The following IFI27L1 variants were observed in gnomAD, a reference collection of about 807,000 sequenced individuals.
The protein encoded by IFI27L1 is interferon alpha inducible protein 27 like 1.
Under a neutral mutation model 9.2 loss-of-function variants are expected in IFI27L1, and 3 were observed. The ratio of observed to expected loss-of-function variants is 0.32; its 90% CI spans 0.15 to 0.84. The LOEUF (loss-of-function observed/expected upper bound fraction) is 0.84, where lower values mean the gene tolerates loss of function less well. IFI27L1 is among the 40% of genes least tolerant of loss of function. The probability of loss-of-function intolerance (pLI) is 0.56; values close to 1 mark genes in which losing one functional copy is unlikely to be tolerated. For missense variants in IFI27L1, 133 were observed against 134.2 expected, an observed-to-expected ratio of 0.99 and a Z score of 0.05; for synonymous variants, 53 against 50.0, an observed-to-expected ratio of 1.06 and a Z score of -0.26.
At chr14:94,085,416 G>C (rs1886249695) in intron 1 of IFI27L1, among the ~76,000 whole-genome samples, 2 of 152,324 alleles carry the variant, frequency 1.3e-5, no homozygotes, top group Non-Finnish European at 2.9e-5. Flanking sequence ...TCTTGCTGCA[G>C]TGCCTGGCAC....
chr14:94,085,218 G>C (rs1156950803), intron 1 of IFI27L1, among the ~76,000 whole-genome samples: 1 of 152,192 alleles, frequency 6.6e-6, no homozygotes, highest in African/African-American at 2.4e-5. Flanking sequence ...TTCCCAGCAA[G>C]AAAATGGCTC....
intron 1 of IFI27L1, among the ~76,000 whole-genome samples, chr14:94,086,910 T>G (rs1395483861): frequency 1.3e-5 from 2 of 152,178 alleles, no homozygotes; most frequent in African/African-American, 4.8e-5. Flanking sequence ...TTTTGTTACT[T>G]CCCACTTTTG....
At position 94,097,591 on chromosome 14, in the gene IFI27L1, C is replaced by CA. The variant is rs1466344329; in HGVS notation, c.28+627dup. On this transcript the variant is annotated intron_variant, in intron 2 of 4. Transcript: ENST00000555523. Reference sequence around the variant, plus strand: ...AGAGAGACAAGTTAGGAAGCTCCTCCAGTCATCCCACTGAGAGACGCGGGT... The same window carrying CA: ...AGAGAGACAAGTTAGGAAGCTCCTCCAAGTCATCCCACTGAGAGACGCGGGT... 18 of 701,480 alleles carry CA rather than the reference C, an allele frequency of 2.6e-5. No homozygotes were observed. The East Asian group carries it at 4.8e-4, about 19-fold the overall frequency. 43.5% of individuals were successfully genotyped at this position (701,480 alleles called of 1,614,324 possible). A position where few individuals can be genotyped will look rare whatever the true frequency, so the allele number is the denominator to read the frequency against.
chr14:94,082,408 G>A (rs1886138717), intron 1 of IFI27L1, among the ~76,000 whole-genome samples: 1 of 151,712 alleles, frequency 6.6e-6, no homozygotes. Flanking sequence ...TTATCCCCAA[G>A]ATCTAGGTAA....
chr14:94,088,354 A>G (rs1190872952), intron 1 of IFI27L1: 2 of 702,122 alleles, frequency 2.8e-6, no homozygotes, highest in Admixed American at 4.0e-5. Context: ...CAGGTGTGGC[A>G]GTGGCTTCCC....
At chr14:94,093,169 T>TC (rs1201080000) in intron 1 of IFI27L1, among the ~76,000 whole-genome samples, 1 of 144,668 alleles carries the variant, frequency 6.9e-6, no homozygotes, top group Non-Finnish European at 1.5e-5. Context: ...TTTCTTTTCT[T>TC]TTTTTTTTTT....
At chr14:94,102,052 C>A in intron 4 of IFI27L1, 77 bp downstream of exon 4, 3 of 1,463,188 alleles carry the variant, frequency 2.1e-6, no homozygotes, top group Non-Finnish European at 2.9e-6. Flanking sequence ...CCTCTCCTCT[C>A]CCTGCAGGTC....
intron 1 of IFI27L1, among the ~76,000 whole-genome samples, chr14:94,096,561 G>A (rs1221277317): frequency 4.6e-5 from 7 of 151,960 alleles, no homozygotes; most frequent in African/African-American, 9.7e-5. Context: ...AGGTGTGGTC[G>A]CACGCACCTG....
intron 1 of IFI27L1, among the ~76,000 whole-genome samples, chr14:94,082,495 A>G (rs187532033): frequency 6.6e-6 from 1 of 152,272 alleles, no homozygotes; most frequent in Non-Finnish European, 1.5e-5. Flanking sequence ...AGAAGACGCC[A>G]TCAAGGACTT....
rs57677258 is a variant in IFI27L1 at position 94,101,855 on chromosome 14, G to A, written c.103G>A (p.Gly35Ser). 147 of 1,614,232 alleles carry A rather than the reference G, an allele frequency of 9.1e-5. No individual in the cohort carries two copies. The African/African-American group carries it at 1.8e-3, about 19-fold the overall frequency. The part of the protein sequence containing the change: ...GTVLVALSAM[G>S]FTSVGIAASS... Reference sequence around the variant, plus strand: ...TGTGCTCGTGGCGCTCAGTGCCATGGGCTTCACCTCAGTAGGAATCGCCGC... The same window carrying A: ...TGTGCTCGTGGCGCTCAGTGCCATGAGCTTCACCTCAGTAGGAATCGCCGC... The change falls in exon 4 of 5, where the codon GGC becomes AGC. Residue 35 changes from glycine (G) to serine (S), a missense_variant. Physicochemically the swap from Gly to Ser is moderately conservative, Grantham distance 56. Coordinates refer to ENST00000555523, the MANE Select transcript of IFI27L1 (RefSeq NM_206949.3).
chr14:94,101,931 G>A lies in IFI27L1; in HGVS notation c.179G>A (p.Gly60Asp). ...TCTACAGCAGCCATTGCCAACGGGG[G>A]CGGAGTTGCTGCTGGCAGTCTGGTG... is the stretch of plus-strand genomic sequence containing the variant. ...MMSTAAIANG[G>D]GVAAGSLVAI... The change falls in exon 4 of 5, where the codon GGC (glycine) becomes GAC (aspartate). Residue 60 changes from glycine (G) to aspartate (D), a missense_variant. By Grantham distance (94) the Gly-to-Asp change is moderately conservative. Transcript: ENST00000555523. 2 of 1,614,270 alleles carry A rather than the reference G, an allele frequency of 1.2e-6. No individual in the cohort carries two copies. The highest frequency in any genetic ancestry group is 1.3e-5 in the African/African-American group (1 of 75,074).
rs965167215 is a variant in IFI27L1, at chr14:94,097,535, G to T, written c.28+570G>T. 8.8e-6 allele frequency: 6 copies of T among 678,502 alleles called. No individual in the cohort carries two copies. In the Admixed American group the frequency reaches 1.3e-4, roughly 14 times the overall value. 42.0% of individuals were successfully genotyped at this position (678,502 alleles called of 1,614,324 possible). The stretch of plus-strand genomic sequence containing the variant: ...GAGCTGCTGAGAGGATGGATTCCGG[G>T]TTCAGCAGTGACTTGGGCCAGAGCA... On this transcript the variant is annotated intron_variant, in intron 2 of 4. Transcript: ENST00000555523.
chr14:94,086,635 G>A lies in IFI27L1; in HGVS notation c.-52+5186G>A, dbSNP rs577648018. ...ATAATGTCACCCCAAACCAGGGGAA[G>A]TATGGCAGAGGGAAGCCAGATTGGA... On this transcript the variant is annotated intron_variant, in intron 1 of 4. Coordinates refer to ENST00000555523, the MANE Select transcript of IFI27L1 (RefSeq NM_206949.3). 2.0e-5 allele frequency among the ~76,000 whole-genome samples: 3 copies of A among 152,324 alleles called. No individual in the cohort carries two copies. The South Asian group carries it at 6.2e-4, about 32-fold the overall frequency.
intron 1 of IFI27L1, chr14:94,088,377 T>A: frequency 1.4e-6 from 1 of 702,004 alleles, no homozygotes; most frequent in Non-Finnish European, 2.6e-6. Context: ...TATCCCAGTT[T>A]CGTGATCATG....
At position 94,102,686 on chromosome 14, in the gene IFI27L1, A is replaced by C. The variant is rs1467028895; in HGVS notation, c.*118A>C. ...CCCAAAACTATTTAAGGAAGCATGAAAAATAAAGATGCTGGTTATCTTCTC... is the reference window on the plus strand; with the variant it reads ...CCCAAAACTATTTAAGGAAGCATGACAAATAAAGATGCTGGTTATCTTCTC... On this transcript the variant is annotated 3_prime_UTR_variant, in exon 5 of 5. Transcript: ENST00000555523. 1.8e-6 allele frequency: 1 copy of C among 543,810 alleles called. No individual in the cohort carries two copies. Among genetic ancestry groups the C allele is most frequent in the Non-Finnish European group, 3.2e-6 (1 of 316,460 alleles). 33.7% of individuals were successfully genotyped at this position (543,810 alleles called of 1,614,324 possible). A position where few individuals can be genotyped will look rare whatever the true frequency, so the allele number is the denominator to read the frequency against.
chr14:94,097,367 A>G, intron 2 of IFI27L1: 1 of 554,080 alleles, frequency 1.8e-6, no homozygotes, highest in Non-Finnish European at 3.2e-6. Flanking sequence ...TGTGGTTTTC[A>G]GAGCATCTTT....
intron 1 of IFI27L1, among the ~76,000 whole-genome samples, chr14:94,087,195 A>G (rs981535549): frequency 1.3e-5 from 2 of 152,170 alleles, no homozygotes; most frequent in African/African-American, 4.8e-5. Context: ...GTTTGGCTAT[A>G]AGGATTAACA....
intron 2 of IFI27L1, among the ~76,000 whole-genome samples, chr14:94,099,048 TGTG>T (rs1444372612): frequency 2.0e-5 from 3 of 151,962 alleles, no homozygotes; most frequent in Non-Finnish European, 4.4e-5. Flanking sequence ...TGGAGGAAGA[TGTG>T]GTGTGAAGGG....
At chr14:94,099,337 C>T (rs1886801848) in intron 2 of IFI27L1, among the ~76,000 whole-genome samples, 2 of 152,094 alleles carry the variant, frequency 1.3e-5, no homozygotes, top group African/African-American at 4.8e-5. Flanking sequence ...ACGCTGTCTT[C>T]TGGTTGCCTT....
Sources: gnomAD v4.1 joint callset for allele counts (sites outside exome capture counted in the v4.1 genomes callset) on GRCh38, gnomAD v4.1.1 for gene constraint, MANE v1.5 for transcripts, NCBI Gene and HGNC (gene_info 2026-07-23, HGNC 2026-07-21) for gene names.